Variants in DLG2 observed in about 807,000 individuals in gnomAD.
DLG2 encodes the protein disks large homolog 2.
A neutral mutation model predicts 132.5 loss-of-function variants in DLG2; 45 were observed. That is an observed-to-expected ratio of 0.34 (90% CI 0.27 to 0.44). DLG2 has a LOEUF of 0.44. Among genes scored for constraint, DLG2 ranks in the 20% least tolerant of loss-of-function variants. DLG2 has a pLI of 1.00. For missense variants in DLG2, 1,045 were observed against 1,196.9 expected (o/e 0.87, Z 1.87); for synonymous variants, 424 against 419.6 (o/e 1.01, Z -0.13).
chr11:85,461,187 C>G (rs545764643), intron 3 of DLG2, among the ~76,000 whole-genome samples: 1 of 152,196 alleles, frequency 6.6e-6, no homozygotes, highest in Non-Finnish European at 1.5e-5. Context: ...TATATATTAA[C>G]ATCATTTCTT....
chr11:83,562,903 TA>T (rs35865854), intron 19 of DLG2, among the ~76,000 whole-genome samples: 7,114 of 151,786 alleles, frequency 0.047, 210 homozygotes, highest in South Asian at 0.12. Context: ...AAGATTTCCC[TA>T]GTAGGTTGTT....
At position 85,579,136 on chromosome 11, in the gene DLG2, G is replaced by A. The variant is rs183762848; in HGVS notation, c.40+19521C>T. 4.6e-5 allele frequency among the ~76,000 whole-genome samples: 7 copies of A among 152,234 alleles called. No individual in the cohort carries two copies. In the East Asian group the frequency reaches 5.8e-4, roughly 13 times the overall value. On this transcript the variant is annotated intron_variant, in intron 3 of 27. Transcript: ENST00000376104. ...CCTTTAGCAAACTAATGCAGGAACA[G>A]AAAACCAAATATTGCATGTTCTCAC...
intron 7 of DLG2, among the ~76,000 whole-genome samples, chr11:84,255,985 C>A (rs552953227): frequency 6.8e-4 from 103 of 152,058 alleles, no homozygotes; most frequent in African/African-American, 2.2e-3. Context: ...AAGCAAGAAG[C>A]AAGCAGAAGG....
At chr11:83,767,047 G>C (rs72954588) in intron 18 of DLG2, among the ~76,000 whole-genome samples, 25,646 of 152,004 alleles carry the variant, frequency 0.17, 2,510 homozygotes, top group African/African-American at 0.26. Context: ...AAAGGCCCTT[G>C]TGATTAGATT....
chr11:83,892,551 A>T (rs2070248150), intron 15 of DLG2, among the ~76,000 whole-genome samples: 1 of 152,212 alleles, frequency 6.6e-6, no homozygotes, highest in Admixed American at 6.5e-5. Flanking sequence ...CATTAATGAA[A>T]AATGACTACT....
intron 4 of DLG2, among the ~76,000 whole-genome samples, chr11:85,173,663 A>G (rs192881776): frequency 3.9e-4 from 60 of 152,324 alleles, no homozygotes; most frequent in Non-Finnish European, 7.2e-4. Context: ...AAATGTTCCA[A>G]TTAGAAGACA....
intron 5 of DLG2, among the ~76,000 whole-genome samples, chr11:85,148,845 A>G (rs2077036792): frequency 2.0e-5 from 3 of 152,080 alleles, no homozygotes; most frequent in South Asian, 4.1e-4. Context: ...CTTGAATGGT[A>G]TTGCCTAGGT....
At chr11:84,016,651 G>C (rs1566052488) in intron 11 of DLG2, among the ~76,000 whole-genome samples, 1 of 152,136 alleles carries the variant, frequency 6.6e-6, no homozygotes, top group Admixed American at 6.6e-5. Flanking sequence ...TTGATGATCA[G>C]ATGGTTGTAG....
rs149186312 is a variant in DLG2, at chr11:85,177,286, TACAC to T, written c.187-22639_187-22636del. On this transcript the variant is annotated intron_variant, in intron 4 of 27. Transcript: ENST00000376104. ...ATTTATATATATATATATATACATATACACACACACACACACACACACATACATA... is the reference window on the plus strand; with the variant it reads ...ATTTATATATATATATATATACATATACACACACACACACACACATACATA... 2.7e-3 allele frequency among the ~76,000 whole-genome samples: 367 copies of T among 136,460 alleles called. 2 individuals carry two copies. The highest frequency in any genetic ancestry group is 0.01 in the African/African-American group (331 of 32,854). The allele number at this position is 136,460 out of a possible 152,430, so 89.5% of individuals were successfully genotyped here. A position where few individuals can be genotyped will look rare whatever the true frequency, so the allele number is the denominator to read the frequency against.
At chr11:85,610,792 C>A (rs1254273066) in intron 2 of DLG2, among the ~76,000 whole-genome samples, 1 of 152,232 alleles carries the variant, frequency 6.6e-6, no homozygotes. Context: ...GGGGCCAGGG[C>A]CCTCAGCAAG....
At chr11:84,586,434 A>T (rs1191322104) in intron 6 of DLG2, among the ~76,000 whole-genome samples, 1 of 152,076 alleles carries the variant, frequency 6.6e-6, no homozygotes, top group East Asian at 1.9e-4. Context: ...CCATTTGTTA[A>T]CTTTCAAATT....
At chr11:83,680,085 G>A (rs1286765782) in intron 18 of DLG2, among the ~76,000 whole-genome samples, 1 of 152,138 alleles carries the variant, frequency 6.6e-6, no homozygotes, top group African/African-American at 2.4e-5. Flanking sequence ...TTGCCTTGCT[G>A]TAAATTTAAT....
chr11:83,533,344 G>C (rs1416453956), intron 20 of DLG2, among the ~76,000 whole-genome samples: 1 of 152,134 alleles, frequency 6.6e-6, no homozygotes, highest in Admixed American at 6.6e-5. Flanking sequence ...AACACTTAGT[G>C]ACTGCCTACC....
rs191665745 is a variant in DLG2 at position 84,118,654 on chromosome 11, G to A, written c.625-19607C>T. 2.9e-3 allele frequency among the ~76,000 whole-genome samples: 446 copies of A among 152,268 alleles called. 4 individuals are homozygous for A. The highest frequency in any genetic ancestry group is 0.01 in the African/African-American group (432 of 41,554). ...ATTTCTTTTAGAAGGTACTTAACCC[G>A]AGTATAAACAATTTCTTTTGTTCTT... On this transcript the variant is annotated intron_variant, in intron 9 of 27. Transcript: ENST00000376104.
intron 6 of DLG2, among the ~76,000 whole-genome samples, chr11:84,861,128 A>G (rs12791729): frequency 0.071 from 10,746 of 152,208 alleles, 552 homozygotes; most frequent in Non-Finnish European, 0.11. Flanking sequence ...TATAGGAACA[A>G]AAAAGGACAT....
intron 18 of DLG2, among the ~76,000 whole-genome samples, chr11:83,709,853 G>GT (rs1483784992): frequency 3.3e-5 from 5 of 152,176 alleles, no homozygotes; most frequent in Admixed American, 6.5e-5. Context: ...GGTTCTAAGC[G>GT]TAAGTAGGTG....
At chr11:84,459,490 G>A (rs1051968335) in intron 7 of DLG2, among the ~76,000 whole-genome samples, 6 of 150,546 alleles carry the variant, frequency 4.0e-5, no homozygotes, top group African/African-American at 1.2e-4. Context: ...TTAGGTGTAT[G>A]TACTTATGGG....
At chr11:83,710,216 G>T (rs1261320888) in intron 18 of DLG2, among the ~76,000 whole-genome samples, 1 of 151,536 alleles carries the variant, frequency 6.6e-6, no homozygotes, top group African/African-American at 2.4e-5. Flanking sequence ...AGTCTGGAGT[G>T]CAGTGGCACC....
chr11:84,050,929 T>C (rs1411306240), intron 11 of DLG2, among the ~76,000 whole-genome samples: 1 of 151,948 alleles, frequency 6.6e-6, no homozygotes, highest in African/African-American at 2.4e-5. Context: ...AGCCTTGTAA[T>C]ATAGTTTGAA....
Sources: gnomAD v4.1 joint callset for allele counts (sites outside exome capture counted in the v4.1 genomes callset) on GRCh38, gnomAD v4.1.1 for gene constraint, MANE v1.5 for transcripts, NCBI Gene and HGNC (gene_info 2026-07-23, HGNC 2026-07-21) for gene names.